The following USH2A variants were observed in gnomAD, a reference collection of about 807,000 sequenced individuals.
USH2A encodes the protein Usher syndrome 2A (autosomal recessive, mild).
In USH2A, 443 loss-of-function variants were observed where a neutral mutation model predicts 538.9. That is an observed-to-expected ratio of 0.82 (90% CI 0.76 to 0.89). The LOEUF is 0.89. Ranked by LOEUF, USH2A falls within the 40% of genes least tolerant of loss-of-function variation. The pLI, the probability that USH2A is intolerant of heterozygous loss-of-function variation, is 0.00. For missense variants in USH2A, 6,633 were observed against 6,324.8 expected, an observed-to-expected ratio of 1.05 and a Z score of -1.65; for synonymous variants, 2,413 against 2,273.5, an observed-to-expected ratio of 1.06 and a Z score of -1.75.
At chr1:216,021,687 T>C (rs1048280400) in intron 32 of USH2A, among the ~76,000 whole-genome samples, 3 of 152,180 alleles carry the variant, frequency 2.0e-5, no homozygotes, top group East Asian at 3.9e-4. Context: ...TTCCTTACAA[T>C]AAATCTCTCT....
intron 37 of USH2A, among the ~76,000 whole-genome samples, chr1:215,955,487 A>T (rs1667041480): frequency 6.6e-6 from 1 of 152,192 alleles, no homozygotes; most frequent in Non-Finnish European, 1.5e-5. Context: ...TTTCTACATG[A>T]ACAAATGAAT....
At chr1:215,842,301 A>G (rs1488627101) in intron 46 of USH2A, among the ~76,000 whole-genome samples, 1 of 152,208 alleles carries the variant, frequency 6.6e-6, no homozygotes, top group Non-Finnish European at 1.5e-5. Context: ...TGAAAAGTCA[A>G]GTAACAACAG....
chr1:215,798,228 A>C (rs1375853501), intron 50 of USH2A, among the ~76,000 whole-genome samples: 1 of 152,174 alleles, frequency 6.6e-6, no homozygotes, highest in Non-Finnish European at 1.5e-5. Context: ...TTGAGATGGA[A>C]TCTATGCCTG....
intron 35 of USH2A, among the ~76,000 whole-genome samples, chr1:215,972,147 G>T (rs955148300): frequency 6.6e-6 from 1 of 152,138 alleles, no homozygotes; most frequent in African/African-American, 2.4e-5. Context: ...TCTCTTGCTT[G>T]TTGGCCTTCT....
intron 52 of USH2A, among the ~76,000 whole-genome samples, chr1:215,784,497 T>C (rs1459504013): frequency 9.5e-6 from 1 of 105,678 alleles, no homozygotes; most frequent in African/African-American, 5.5e-5. Flanking sequence ...GGTTGAAATC[T>C]CAATGAAAAA....
In USH2A at chr1:216,190,379, AAAAG is replaced by A. The variant is rs372388546; in HGVS notation, c.4252-16_4252-13del. 7.0e-3 allele frequency: 11,220 copies of A among 1,597,562 alleles called. 524 individuals carry two copies. In the African/African-American group the frequency reaches 0.12, roughly 17 times the overall value. On this transcript the variant is annotated splice_polypyrimidine_tract_variant and intron_variant, in intron 19 of 71. Coordinates refer to ENST00000307340, the MANE Select transcript of USH2A (RefSeq NM_206933.4). ...GCAGTGTGCAACAGCTTCAAGGCAA[AAAAG>A]AAAGAAAGAAAGAAAGAAAGATAAT... is the stretch of plus-strand genomic sequence containing the variant.
At chr1:216,022,891 T>C (rs1668873502) in intron 32 of USH2A, among the ~76,000 whole-genome samples, 1 of 152,084 alleles carries the variant, frequency 6.6e-6, no homozygotes, top group African/African-American at 2.4e-5. Context: ...ATAGCAGTGC[T>C]CCTTATGCCC....
intron 26 of USH2A, chr1:216,079,010 A>G (rs1311419160): frequency 1.3e-5 from 2 of 152,176 alleles, no homozygotes; most frequent in East Asian, 3.9e-4. Context: ...AAATAAGTTC[A>G]TAGGTTTTCC....
chr1:215,662,443 T>G (rs955726491), intron 64 of USH2A, among the ~76,000 whole-genome samples: 2 of 152,186 alleles, frequency 1.3e-5, no homozygotes, highest in African/African-American at 4.8e-5. Context: ...CCATGAAGAT[T>G]GCCAACAACA....
rs536857426 is a variant in USH2A, at chr1:215,657,769, C to T, written c.14134-6968G>A. 1.1e-4 allele frequency among the ~76,000 whole-genome samples: 16 copies of T among 152,270 alleles called. 2 individuals are homozygous for T. The highest frequency in any genetic ancestry group is 3.4e-4 in the African/African-American group (14 of 41,558). On this transcript the variant is annotated intron_variant, in intron 64 of 71. Coordinates refer to ENST00000307340, the MANE Select transcript of USH2A (RefSeq NM_206933.4). ...AGACGTGAAGCTACTGGAAAAATAACAAGACATTTCCCATGCTAGAATTGG... is the reference window on the plus strand; with the variant it reads ...AGACGTGAAGCTACTGGAAAAATAATAAGACATTTCCCATGCTAGAATTGG...
chr1:215,980,473 C>T (rs1273359476), intron 35 of USH2A, among the ~76,000 whole-genome samples: 1 of 152,020 alleles, frequency 6.6e-6, no homozygotes, highest in East Asian at 1.9e-4. Flanking sequence ...AATATCAATT[C>T]TATTTTAATG....
At chr1:215,789,235 G>A (rs751552186) in intron 51 of USH2A, among the ~76,000 whole-genome samples, 1 of 152,150 alleles carries the variant, frequency 6.6e-6, no homozygotes, top group Non-Finnish European at 1.5e-5. Context: ...GATACAAAGT[G>A]CTTGCAGGGC....
At chr1:216,141,389 T>G (rs2033600370) in intron 21 of USH2A, among the ~76,000 whole-genome samples, 2 of 151,948 alleles carry the variant, frequency 1.3e-5, no homozygotes, top group East Asian at 1.9e-4. Flanking sequence ...ATCACAGGAG[T>G]CTACAGAGGC....
intron 44 of USH2A, among the ~76,000 whole-genome samples, chr1:215,853,123 A>G (rs1014441484): frequency 6.6e-6 from 1 of 152,180 alleles, no homozygotes; most frequent in Non-Finnish European, 1.5e-5. Context: ...GCAAACTTCT[A>G]TCTGGATATC....
intron 21 of USH2A, among the ~76,000 whole-genome samples, chr1:216,168,513 G>A (rs886643028): frequency 7.9e-5 from 12 of 152,030 alleles, no homozygotes; most frequent in African/African-American, 2.7e-4. Flanking sequence ...ACCTAACCTT[G>A]GGAAAAAATT....
In USH2A at chr1:216,418,483, C is replaced by T. The variant is rs114613023; in HGVS notation, c.651+31G>A. 1,482 of 1,609,352 alleles carry T rather than the reference C, an allele frequency of 9.2e-4. 10 individuals carry two copies. The African/African-American group carries it at 0.018, about 19-fold the overall frequency. On this transcript the variant is annotated intron_variant, in intron 3 of 71. Transcript: ENST00000307340. ...AAGGAAGACAAATCCTTGTGTTTAA[C>T]CAAATGTTAAATATTTTTTATTTTA...
chr1:216,185,074 A>G lies in USH2A; in HGVS notation c.4396+5149T>C, dbSNP rs181715089. 1.6e-3 allele frequency among the ~76,000 whole-genome samples: 248 copies of G among 152,054 alleles called. 1 individual carries two copies. Among genetic ancestry groups the G allele is most frequent in the South Asian group, 0.013 (63 of 4,828 alleles). On this transcript the variant is annotated intron_variant, in intron 20 of 71. Transcript: ENST00000307340. ...ACAAATTTCTCGGATTAAAAGGAGA[A>G]TCTTAAAGAAAAGTGTAACAAGGAT...
chr1:216,194,553 T>A (rs1464464165), intron 19 of USH2A, among the ~76,000 whole-genome samples: 1 of 152,110 alleles, frequency 6.6e-6, no homozygotes, highest in African/African-American at 2.4e-5. Context: ...ATGGTAGGTA[T>A]GCAGAGGTAA....
In USH2A at chr1:215,639,007, A is replaced by C. The variant is rs917306080; in HGVS notation, c.15052+148T>G. Reference sequence around the variant, plus strand: ...AAAAACAACAACAAAAAAAAAACAAAAAAAAAAACTCTGACAACACTTGGC... The same window carrying C: ...AAAAACAACAACAAAAAAAAAACAACAAAAAAAACTCTGACAACACTTGGC... On this transcript the variant is annotated intron_variant, in intron 69 of 71. Transcript: ENST00000307340. 6.4e-5 allele frequency: 55 copies of C among 863,230 alleles called. No individual in the cohort carries two copies. The Middle Eastern group carries it at 1.3e-3, about 20-fold the overall frequency. 53.5% of individuals were successfully genotyped at this position (863,230 alleles called of 1,614,324 possible).
Sources: gnomAD v4.1 joint callset for allele counts (sites outside exome capture counted in the v4.1 genomes callset) on GRCh38, gnomAD v4.1.1 for gene constraint, MANE v1.5 for transcripts, NCBI Gene and HGNC (gene_info 2026-07-23, HGNC 2026-07-21) for gene names.